FZD3: variants seen among roughly 807,000 people sequenced by gnomAD.
FZD3 encodes the protein frizzled-3.
FZD3 carries 30 observed loss-of-function variants against 60.7 expected under a neutral mutation model. The observed-to-expected ratio is 0.49, with a 90% CI of 0.37 to 0.67. The LOEUF (loss-of-function observed/expected upper bound fraction) is 0.67. Ranked by LOEUF, FZD3 falls within the 30% of genes least tolerant of loss-of-function variation. The pLI, the probability that FZD3 is intolerant of heterozygous loss-of-function variation, is 0.00. For synonymous variants in FZD3, 246 were observed against 275.2 expected, an observed-to-expected ratio of 0.89 and a Z score of 1.05; for missense variants, 605 against 838.7, an observed-to-expected ratio of 0.72 and a Z score of 3.44.
At chr8:28,556,360 C>T (rs1406174051) in intron 7 of FZD3, among the ~76,000 whole-genome samples, 1 of 152,108 alleles carries the variant, frequency 6.6e-6, no homozygotes, top group African/African-American at 2.4e-5. Context: ...ATAGTGTAGT[C>T]AGTTTGTGGT....
At chr8:28,557,991 T>C (rs1030787457) in intron 7 of FZD3, among the ~76,000 whole-genome samples, 1 of 152,154 alleles carries the variant, frequency 6.6e-6, no homozygotes, top group Non-Finnish European at 1.5e-5. Flanking sequence ...CTACATTGAA[T>C]AGGATTCAGA....
At chr8:28,536,724 A>G (rs762402808) in intron 5 of FZD3, among the ~76,000 whole-genome samples, 2 of 152,214 alleles carry the variant, frequency 1.3e-5, no homozygotes, top group African/African-American at 4.8e-5. Context: ...AATTATTTTT[A>G]TAGAAAACAA....
In FZD3 at chr8:28,528,000, T is replaced by G; in HGVS notation, c.1240T>G (p.Leu414Val). ...ATTAGAAAAGGAGAACCAAGATAAA[T>G]TAGTGAAGTTTATGATCCGGATCGG... ...IPLEKENQDK[L>V]VKFMIRIGVF... Residue 414 changes from leucine (L) to valine (V), a missense_variant, in exon 5 of 8, where the codon TTA becomes GTA. Transcript: ENST00000240093. This position sits in a 1 kb window ranked among gnomAD's most constrained non-coding sequence, Gnocchi z 5.0. 1.2e-6 allele frequency: 2 copies of G among 1,613,926 alleles called. No individual in the cohort carries two copies. Among genetic ancestry groups the G allele is most frequent in the Non-Finnish European group, 1.7e-6 (2 of 1,179,884 alleles).
Position 28,500,445 on chromosome 8 carries a change from AGT to A in FZD3, c.-345+468_-345+469del, listed in dbSNP as rs1187548501. On this transcript the variant is annotated intron_variant, in intron 2 of 7. Transcript: ENST00000240093. ...GTTTCTTCTTCAGGTTTTATGTGGT[AGT>A]CTTCTTTGAACCATTGATTTGAAAC... 3.7e-4 allele frequency among the ~76,000 whole-genome samples: 56 copies of A among 152,348 alleles called. No individual in the cohort carries two copies. The East Asian group carries it at 4.6e-3, about 13-fold the overall frequency.
chr8:28,500,316 G>A (rs1256770848), intron 2 of FZD3, among the ~76,000 whole-genome samples: 1 of 152,084 alleles, frequency 6.6e-6, no homozygotes, highest in African/African-American at 2.4e-5. Flanking sequence ...TTGCAAGTAA[G>A]GCAAAAGGAA....
intron 1 of FZD3, among the ~76,000 whole-genome samples, chr8:28,494,941 G>C (rs1223260976): frequency 6.6e-6 from 1 of 152,190 alleles, no homozygotes; most frequent in Non-Finnish European, 1.5e-5. Flanking sequence ...CCGTCCATCA[G>C]TTTGCAAAGT....
At chr8:28,509,430 TA>T (rs1337704035) in intron 3 of FZD3, among the ~76,000 whole-genome samples, 1 of 152,112 alleles carries the variant, frequency 6.6e-6, no homozygotes, top group African/African-American at 2.4e-5. Context: ...ATATTTCAGA[TA>T]TTTCATAGTA....
chr8:28,549,217 G>A (rs552934497), intron 5 of FZD3, among the ~76,000 whole-genome samples: 2 of 152,234 alleles, frequency 1.3e-5, no homozygotes, highest in Middle Eastern at 3.4e-3. Flanking sequence ...GCCAGATTGG[G>A]TTGGGATCTA....
At chr8:28,541,350 C>G (rs1805161749) in intron 5 of FZD3, among the ~76,000 whole-genome samples, 1 of 152,224 alleles carries the variant, frequency 6.6e-6, no homozygotes, top group South Asian at 2.1e-4. Context: ...AACCAGAACC[C>G]TGTAATGCAA....
chr8:28,540,413 G>A (rs2130427730), intron 5 of FZD3, among the ~76,000 whole-genome samples: 1 of 152,154 alleles, frequency 6.6e-6, no homozygotes, highest in East Asian at 1.9e-4. Context: ...TATTTTTAGA[G>A]ACAGGGTTTC....
At chr8:28,518,030 C>G (rs1241607991) in intron 3 of FZD3, among the ~76,000 whole-genome samples, 2 of 151,916 alleles carry the variant, frequency 1.3e-5, no homozygotes, top group African/African-American at 4.8e-5. Flanking sequence ...ATGCAATTAG[C>G]ACTTTATTTT....
chr8:28,494,590 G>A (rs1459768610), intron 1 of FZD3, among the ~76,000 whole-genome samples: 1 of 152,016 alleles, frequency 6.6e-6, no homozygotes, highest in Non-Finnish European at 1.5e-5. Flanking sequence ...GCGGCTGGGG[G>A]CCTCGGGGAC....
intron 3 of FZD3, among the ~76,000 whole-genome samples, chr8:28,512,498 T>A (rs373070301): frequency 1.3e-4 from 20 of 152,084 alleles, no homozygotes; most frequent in East Asian, 5.8e-4. Flanking sequence ...TTTTTTTTTT[T>A]AATTATACTT....
At chr8:28,558,008 A>G (rs1194778639) in intron 7 of FZD3, among the ~76,000 whole-genome samples, 1 of 152,234 alleles carries the variant, frequency 6.6e-6, no homozygotes, top group African/African-American at 2.4e-5. Context: ...CAGAGGAGGC[A>G]GTTGGGAGTT....
chr8:28,504,963 C>T (rs1025833283), intron 3 of FZD3, among the ~76,000 whole-genome samples: 1 of 152,136 alleles, frequency 6.6e-6, no homozygotes, highest in African/African-American at 2.4e-5. Flanking sequence ...GGGAGAGCAC[C>T]TAAGTGAGTA....
chr8:28,509,758 G>C (rs1804235695), intron 3 of FZD3, among the ~76,000 whole-genome samples: 3 of 152,154 alleles, frequency 2.0e-5, no homozygotes, highest in South Asian at 4.1e-4. Context: ...AATGTATCAT[G>C]TGTTGGAATT....
At chr8:28,511,302 A>G (rs563960277) in intron 3 of FZD3, among the ~76,000 whole-genome samples, 1 of 152,260 alleles carries the variant, frequency 6.6e-6, no homozygotes, top group Non-Finnish European at 1.5e-5. Context: ...CCTGGCCAAC[A>G]TGGTGAAACC....
At chr8:28,539,977 A>G (rs1418101831) in intron 5 of FZD3, among the ~76,000 whole-genome samples, 1 of 152,192 alleles carries the variant, frequency 6.6e-6, no homozygotes, top group Non-Finnish European at 1.5e-5. Context: ...GTGTATCTAA[A>G]TAGAAAAATC....
intron 5 of FZD3, among the ~76,000 whole-genome samples, chr8:28,533,520 C>T: frequency 6.6e-6 from 1 of 152,112 alleles, no homozygotes; most frequent in Non-Finnish European, 1.5e-5. Flanking sequence ...CCATTATTAA[C>T]CAGGTTGGTC....
Sources: allele counts gnomAD v4.1 joint callset (sites outside exome capture counted in the v4.1 genomes callset), GRCh38; gene constraint gnomAD v4.1.1; non-coding constraint Gnocchi (gnomAD v3.1); transcripts MANE v1.5; gene names NCBI Gene and HGNC (gene_info 2026-07-23, HGNC 2026-07-21).